Variants in PDE3A observed in about 807,000 individuals in gnomAD.
PDE3A encodes phosphodiesterase 3A.
PDE3A carries 43 observed loss-of-function variants against 98.3 expected under a neutral mutation model. The observed-to-expected ratio is 0.44, with a 90% CI of 0.34 to 0.56. The LOEUF is 0.56. Among genes scored for constraint, PDE3A ranks in the 20% least tolerant of loss-of-function variants. PDE3A has a pLI of 0.01. For missense variants in PDE3A, 1,427 were observed against 1,440.7 expected (o/e 0.99, Z 0.15); for synonymous variants, 663 against 567.9 (o/e 1.17, Z -2.38).
At chr12:20,617,121 A>G (rs537182558) in intron 4 of PDE3A, among the ~76,000 whole-genome samples, 8 of 152,264 alleles carry the variant, frequency 5.3e-5, no homozygotes, top group Non-Finnish European at 8.8e-5. Flanking sequence ...TTTGAAACAC[A>G]TGTATAAGTT....
intron 2 of PDE3A, among the ~76,000 whole-genome samples, chr12:20,577,533 TGAACAAGGCTG>T (rs1481801775): frequency 2.6e-5 from 4 of 152,326 alleles, no homozygotes; most frequent in Admixed American, 1.3e-4. Flanking sequence ...TTGTATAATT[TGAACAAGGCTG>T]GAAACCAGGA....
At chr12:20,440,059 T>C (rs1185521227) in intron 1 of PDE3A, among the ~76,000 whole-genome samples, 1 of 152,176 alleles carries the variant, frequency 6.6e-6, no homozygotes, top group African/African-American at 2.4e-5. Context: ...TAAAAAATGA[T>C]GAGAATTTAA....
Position 20,552,765 on chromosome 12 carries a change from G to C in PDE3A, c.961-3895G>C, listed in dbSNP as rs1022969283. On this transcript the variant is annotated intron_variant, in intron 1 of 15. Transcript: ENST00000359062. This position sits in a 1 kb window ranked among gnomAD's most constrained non-coding sequence, Gnocchi z 5.1. ...GGCCGGCGAGCGGCAGCCCGTTCCAGTTGTTCCTGAGTAAAGTGGAGGAGA... is the reference window on the plus strand; with the variant it reads ...GGCCGGCGAGCGGCAGCCCGTTCCACTTGTTCCTGAGTAAAGTGGAGGAGA... 6.2e-7 allele frequency: 1 copy of C among 1,613,962 alleles called. No individual in the cohort carries two copies. The highest frequency in any genetic ancestry group is 1.7e-5 in the Admixed American group (1 of 60,012).
intron 1 of PDE3A, among the ~76,000 whole-genome samples, chr12:20,522,100 C>A (rs954026189): frequency 1.3e-5 from 2 of 152,090 alleles, no homozygotes; most frequent in Admixed American, 1.3e-4. Context: ...CCACTAGATT[C>A]CCTAGCTTGG....
intron 5 of PDE3A, among the ~76,000 whole-genome samples, chr12:20,624,653 G>T (rs1302874780): frequency 6.6e-6 from 1 of 152,142 alleles, no homozygotes; most frequent in Non-Finnish European, 1.5e-5. Flanking sequence ...ACAGCTAAAA[G>T]TTTATAAAAT....
At chr12:20,577,850 G>A (rs1034478367) in intron 2 of PDE3A, among the ~76,000 whole-genome samples, 2 of 152,096 alleles carry the variant, frequency 1.3e-5, no homozygotes, top group African/African-American at 4.8e-5. Flanking sequence ...TTGTTTTCTT[G>A]TATAATTAAG....
intron 6 of PDE3A, among the ~76,000 whole-genome samples, chr12:20,630,872 G>A (rs1238132634): frequency 3.3e-5 from 5 of 152,102 alleles, no homozygotes; most frequent in Non-Finnish European, 5.9e-5. Context: ...AACTATGAGA[G>A]TACCTTGAAT....
At chr12:20,610,722 C>G (rs1240629543) in intron 2 of PDE3A, among the ~76,000 whole-genome samples, 13 of 151,940 alleles carry the variant, frequency 8.6e-5, no homozygotes, top group Non-Finnish European at 1.9e-4. Flanking sequence ...GAAGGAGATC[C>G]TGTCATTTGC....
rs779493827 is a variant in PDE3A at position 20,639,972 on chromosome 12, T to C, written c.2251+15T>C. 9.1e-7 allele frequency: 1 copy of C among 1,093,038 alleles called. No individual in the cohort carries two copies. The allele number at this position is 1,093,038 out of a possible 1,614,324, so 67.7% of individuals were successfully genotyped here. A position where few individuals can be genotyped will look rare whatever the true frequency, so the allele number is the denominator to read the frequency against. ...GGATATTCCTTGTAAGTATATGTGA[T>C]TTGTGAAATAATACTTTTAAAATAT... On this transcript the variant is annotated intron_variant, in intron 10 of 15. Coordinates refer to ENST00000359062, the MANE Select transcript of PDE3A (RefSeq NM_000921.5).
intron 1 of PDE3A, among the ~76,000 whole-genome samples, chr12:20,543,402 C>A (rs1162539347): frequency 3.9e-5 from 6 of 151,916 alleles, no homozygotes; most frequent in Non-Finnish European, 7.4e-5. Context: ...CTGATCTTTT[C>A]AAACGTTTGC....
chr12:20,441,880 G>T (rs2120846051), intron 1 of PDE3A, among the ~76,000 whole-genome samples: 1 of 152,218 alleles, frequency 6.6e-6, no homozygotes, highest in South Asian at 2.1e-4. Context: ...GGGGCCCACA[G>T]CATGCATTTC....
chr12:20,639,784 T>C, intron 9 of PDE3A, 62 bp from the exon 10 acceptor site: 1 of 757,992 alleles, frequency 1.3e-6, no homozygotes, highest in South Asian at 1.5e-5. Context: ...GTTTCACCAC[T>C]GTTCTCTTTA....
intron 1 of PDE3A, among the ~76,000 whole-genome samples, chr12:20,521,181 G>A (rs1946418640): frequency 6.7e-6 from 1 of 148,942 alleles, no homozygotes; most frequent in Admixed American, 6.7e-5. Flanking sequence ...TCAGGTTCAT[G>A]TGGAGGTGTC....
chr12:20,673,194 G>A (rs1444224650), intron 15 of PDE3A, among the ~76,000 whole-genome samples: 2 of 152,136 alleles, frequency 1.3e-5, no homozygotes, highest in East Asian at 1.9e-4. Context: ...AAAAAGTCAG[G>A]AAACCACAGG....
intron 1 of PDE3A, among the ~76,000 whole-genome samples, chr12:20,549,208 G>A (rs1942134235): frequency 6.6e-6 from 1 of 150,842 alleles, no homozygotes; most frequent in Non-Finnish European, 1.5e-5. Context: ...ATGTTTTTAT[G>A]ACAGTAAAAT....
At chr12:20,381,952 A>C (rs1943671553) in intron 1 of PDE3A, among the ~76,000 whole-genome samples, 1 of 151,836 alleles carries the variant, frequency 6.6e-6, no homozygotes, top group African/African-American at 2.4e-5. Flanking sequence ...ATAACAGTAA[A>C]TGCCCCTGGT....
At chr12:20,501,398 A>T (rs1271746744) in intron 1 of PDE3A, among the ~76,000 whole-genome samples, 1 of 152,192 alleles carries the variant, frequency 6.6e-6, no homozygotes, top group African/African-American at 2.4e-5. Context: ...AAGTGAACAC[A>T]TTATATGTAA....
chr12:20,369,359 G>A lies in PDE3A; in HGVS notation c.75G>A (p.Ala25=), dbSNP rs941595768. The A allele has an allele frequency of 1.9e-6, 3 of 1,548,862 alleles. No individual in the cohort carries two copies. Among genetic ancestry groups the A allele is most frequent in the Non-Finnish European group, 2.6e-6 (3 of 1,146,668 alleles). The change falls in exon 1 of 16, where the codon GCG becomes GCA. Residue 25 remains alanine (A), a synonymous_variant. Transcript: ENST00000359062. ...VHSGVSQAPT[A]GRDCHHRADP... ...GTGGGGTGAGTCAAGCCCCCACGGCGGGCCGGGACTGCCACCATCGTGCGG... is the reference window on the plus strand; with the variant it reads ...GTGGGGTGAGTCAAGCCCCCACGGCAGGCCGGGACTGCCACCATCGTGCGG...
At chr12:20,607,459 GA>G (rs950499463) in intron 2 of PDE3A, among the ~76,000 whole-genome samples, 3 of 145,416 alleles carry the variant, frequency 2.1e-5, no homozygotes, top group African/African-American at 2.5e-5. Context: ...AAAGAAAAAA[GA>G]AAAAAAAACA....
Sources: gnomAD v4.1 joint callset for allele counts (sites outside exome capture counted in the v4.1 genomes callset) on GRCh38, gnomAD v4.1.1 for gene constraint, Gnocchi (gnomAD v3.1) non-coding constraint, MANE v1.5 for transcripts, NCBI Gene and HGNC (gene_info 2026-07-23, HGNC 2026-07-21) for gene names.